Variants in DPP6 observed in about 807,000 individuals in gnomAD.
The protein encoded by DPP6 is dipeptidyl peptidase like 6, also known as A-type potassium channel modulatory protein DPP6.
DPP6 carries 69 observed loss-of-function variants against 122.6 expected under a neutral mutation model. The ratio of observed to expected loss-of-function variants is 0.56; its 90% CI spans 0.46 to 0.69. The LOEUF (loss-of-function observed/expected upper bound fraction) is 0.69, where lower values mean the gene tolerates loss of function less well. DPP6 is among the 30% of genes least tolerant of loss of function. DPP6 has a pLI of 0.00. For missense variants in DPP6, 928 were observed against 1,116.9 expected, an observed-to-expected ratio of 0.83 and a Z score of 2.41; for synonymous variants, 418 against 433.1, an observed-to-expected ratio of 0.97 and a Z score of 0.43.
chr7:154,010,313 C>G (rs1109715), intron 1 of DPP6, among the ~76,000 whole-genome samples: 1 of 152,238 alleles, frequency 6.6e-6, no homozygotes, highest in Non-Finnish European at 1.5e-5. Context: ...AGGAAGGCAT[C>G]TTATAGACAC....
At chr7:154,784,779 C>T (rs750128721) in intron 10 of DPP6, among the ~76,000 whole-genome samples, 1 of 152,178 alleles carries the variant, frequency 6.6e-6, no homozygotes, top group Non-Finnish European at 1.5e-5. Flanking sequence ...CTATCACCAG[C>T]TCCCTACCTC....
chr7:154,141,669 G>GC (rs761490232), intron 1 of DPP6, among the ~76,000 whole-genome samples: 30 of 152,186 alleles, frequency 2.0e-4, no homozygotes, highest in Non-Finnish European at 3.2e-4. Flanking sequence ...AGGCCCCCAC[G>GC]CAGCTCATGC....
intron 7 of DPP6, among the ~76,000 whole-genome samples, chr7:154,682,374 G>A (rs1235541091): frequency 6.6e-6 from 1 of 152,218 alleles, no homozygotes; most frequent in African/African-American, 2.4e-5. Flanking sequence ...GAGGATGAAA[G>A]CGCCTCACTT....
chr7:153,971,292 T>G (rs1276464859), intron 1 of DPP6, among the ~76,000 whole-genome samples: 3 of 151,988 alleles, frequency 2.0e-5, no homozygotes, highest in Non-Finnish European at 4.4e-5. Flanking sequence ...CCTACAAATT[T>G]GCTGAACTGT....
At chr7:154,365,321 T>C (rs1236299357) in intron 1 of DPP6, among the ~76,000 whole-genome samples, 1 of 152,186 alleles carries the variant, frequency 6.6e-6, no homozygotes, top group Admixed American at 6.5e-5. Context: ...GAACCAATTT[T>C]AATGAACCAC....
the DPP6 span, among the ~76,000 whole-genome samples, chr7:153,781,164 A>G: frequency 6.6e-6 from 1 of 152,190 alleles, no homozygotes; most frequent in Non-Finnish European, 1.5e-5. Flanking sequence ...ACGTCACGAT[A>G]ATGAAGCATA....
intron 1 of DPP6, among the ~76,000 whole-genome samples, chr7:154,017,249 G>A (rs2129050704): frequency 6.6e-6 from 1 of 152,188 alleles, no homozygotes; most frequent in Middle Eastern, 3.4e-3. Context: ...TTGAGTTTTT[G>A]TAGAGATGGG....
Position 153,887,592 on chromosome 7 carries a change from T to G in DPP6, c.-92T>G. On this transcript the variant is annotated 5_prime_UTR_variant, in exon 1 of 26. Coordinates refer to the DPP6 transcript ENST00000404039. ...TTCAAAAACCCGTTTCCATCCAGTC[T>G]TCAGCCAGTCCAGTCTACTTTAATC... The G allele has an allele frequency of 2.7e-6, 4 of 1,495,740 alleles. No homozygotes were observed. The South Asian group carries it at 4.7e-5, about 18-fold the overall frequency. The allele number at this position is 1,495,740 out of a possible 1,614,324, so 92.7% of individuals were successfully genotyped here. A position where few individuals can be genotyped will look rare whatever the true frequency, so the allele number is the denominator to read the frequency against.
intron 13 of DPP6, among the ~76,000 whole-genome samples, chr7:154,801,917 G>A (rs1354544289): frequency 3.3e-5 from 5 of 151,998 alleles, no homozygotes; most frequent in Admixed American, 6.6e-5. Flanking sequence ...TTATGTGACC[G>A]CTACCAGCCA....
chr7:154,595,658 G>T (rs996508219), intron 5 of DPP6, among the ~76,000 whole-genome samples: 1 of 152,228 alleles, frequency 6.6e-6, no homozygotes, highest in African/African-American at 2.4e-5. Context: ...TTGCCTTCTT[G>T]GTTCATTCAG....
the DPP6 span, among the ~76,000 whole-genome samples, chr7:153,835,408 A>T: frequency 6.6e-6 from 1 of 152,266 alleles, no homozygotes; most frequent in East Asian, 1.9e-4. Flanking sequence ...AAAAAAAAAA[A>T]AGGATCTGTG....
chr7:154,480,441 TA>T (rs1206683060), intron 3 of DPP6, among the ~76,000 whole-genome samples: 1 of 152,194 alleles, frequency 6.6e-6, no homozygotes, highest in Non-Finnish European at 1.5e-5. Flanking sequence ...GACCCCAACT[TA>T]TTTTACCTGC....
intron 15 of DPP6, among the ~76,000 whole-genome samples, chr7:154,805,940 G>A (rs1207743576): frequency 6.6e-6 from 1 of 152,176 alleles, no homozygotes; most frequent in Non-Finnish European, 1.5e-5. Flanking sequence ...GAGGCCAGTG[G>A]CGCATTGTCT....
At chr7:153,952,422 A>G (rs1037806028) in intron 1 of DPP6, among the ~76,000 whole-genome samples, 1 of 152,248 alleles carries the variant, frequency 6.6e-6, no homozygotes, top group African/African-American at 2.4e-5. Flanking sequence ...CACTAGGTAA[A>G]TCTCACTCAG....
chr7:154,727,309 G>A (rs762136704), intron 7 of DPP6, among the ~76,000 whole-genome samples: 4 of 152,262 alleles, frequency 2.6e-5, no homozygotes, highest in Admixed American at 2.6e-4. Flanking sequence ...GAGAGCACAG[G>A]GGGAGGGCTA....
chr7:154,881,389 A>T (rs1380336102), intron 21 of DPP6, among the ~76,000 whole-genome samples: 3 of 152,214 alleles, frequency 2.0e-5, no homozygotes, highest in Non-Finnish European at 2.9e-5. Flanking sequence ...AGCCGCTCCC[A>T]TCTGGTGGCC....
chr7:154,150,114 C>G (rs71221681), intron 1 of DPP6, among the ~76,000 whole-genome samples: 26,569 of 152,072 alleles, frequency 0.17, 2,744 homozygotes, highest in East Asian at 0.36. Context: ...ATGATGTCAC[C>G]TTCACGAGGA....
chr7:154,310,419 C>T (rs1050393524), intron 1 of DPP6, among the ~76,000 whole-genome samples: 1 of 152,226 alleles, frequency 6.6e-6, no homozygotes, highest in African/African-American at 2.4e-5. Flanking sequence ...CCATTTAGCA[C>T]ATCAAATGAA....
intron 1 of DPP6, among the ~76,000 whole-genome samples, chr7:154,312,954 T>C (rs1807037514): frequency 6.6e-6 from 1 of 152,238 alleles, no homozygotes; most frequent in African/African-American, 2.4e-5. Flanking sequence ...GTTATTTCTT[T>C]ATTCTCTAGC....
Sources: gnomAD v4.1 joint callset for allele counts (sites outside exome capture counted in the v4.1 genomes callset) on GRCh38, gnomAD v4.1.1 for gene constraint, MANE v1.5 for transcripts, NCBI Gene and HGNC (gene_info 2026-07-23, HGNC 2026-07-21) for gene names.